Variants in TTC7B observed in about 807,000 individuals in gnomAD.
TTC7B encodes the protein tetratricopeptide repeat domain 7B, also known as tetratricopeptide repeat protein 7B.
A neutral mutation model predicts 106.8 loss-of-function variants in TTC7B; 28 were observed. That is an observed-to-expected ratio of 0.26 (90% confidence interval 0.19 to 0.36). The LOEUF (loss-of-function observed/expected upper bound fraction) is 0.36, where lower values mean the gene tolerates loss of function less well. Among genes scored for constraint, TTC7B ranks in the 10% least tolerant of loss-of-function variants. The pLI is 1.00. For missense variants in TTC7B, 862 were observed against 1,076.4 expected (o/e 0.80, Z 2.79); for synonymous variants, 405 against 430.6 (o/e 0.94, Z 0.74).
chr14:90,541,903 C>T (rs115778659), intron 19 of TTC7B, among the ~76,000 whole-genome samples: 2,645 of 152,320 alleles, frequency 0.017, 80 homozygotes, highest in African/African-American at 0.06. Context: ...ACTGACCCAG[C>T]GCGGCGTCAG....
At chr14:90,665,212 G>A (rs1439682937) in intron 9 of TTC7B, among the ~76,000 whole-genome samples, 1 of 152,226 alleles carries the variant, frequency 6.6e-6, no homozygotes, top group Admixed American at 6.5e-5. Context: ...TACCAGGAAA[G>A]ATAGGTCCAT....
chr14:90,729,381 A>G (rs1000507229), intron 5 of TTC7B, among the ~76,000 whole-genome samples: 1 of 152,176 alleles, frequency 6.6e-6, no homozygotes, highest in African/African-American at 2.4e-5. Flanking sequence ...ACGGGCCTCT[A>G]GGGGCCTCCC....
intron 5 of TTC7B, among the ~76,000 whole-genome samples, chr14:90,720,269 G>C (rs1417019926): frequency 6.6e-6 from 1 of 152,068 alleles, no homozygotes. Flanking sequence ...ACCAATTGTA[G>C]GTTAATTTCA....
At chr14:90,683,402 T>C (rs773823046) in intron 7 of TTC7B, among the ~76,000 whole-genome samples, 5 of 152,206 alleles carry the variant, frequency 3.3e-5, no homozygotes, top group Admixed American at 1.3e-4. Context: ...AGGCCAAGAA[T>C]GGCTGAAGTC....
chr14:90,752,212 G>A (rs940025972), intron 3 of TTC7B, among the ~76,000 whole-genome samples: 6 of 152,106 alleles, frequency 3.9e-5, no homozygotes, highest in Admixed American at 2.6e-4. Context: ...TCCACTCCTT[G>A]CTTCCTTTCA....
intron 1 of TTC7B, among the ~76,000 whole-genome samples, chr14:90,789,895 CAA>C (rs1325409536): frequency 7.1e-5 from 8 of 113,172 alleles, no homozygotes; most frequent in African/African-American, 9.9e-5. Flanking sequence ...GACTCTGTCT[CAA>C]AAAAAAAAAA....
At chr14:90,596,679 C>T (rs777545766) in intron 17 of TTC7B, among the ~76,000 whole-genome samples, 1 of 152,202 alleles carries the variant, frequency 6.6e-6, no homozygotes, top group Non-Finnish European at 1.5e-5. Context: ...GTGGTTGTCA[C>T]TAACAATGCA....
At chr14:90,654,863 G>A (rs1028062303) in intron 12 of TTC7B, 130 bp downstream of exon 12, 34 of 718,494 alleles carry the variant, frequency 4.7e-5, no homozygotes, top group African/African-American at 3.0e-4. Flanking sequence ...GGGCCCCACC[G>A]GATGGCACAC....
rs75651261 is a variant in TTC7B, at chr14:90,750,500, T to A, written c.446-5578A>T. Among the ~76,000 whole-genome samples, 1,144 of 152,322 alleles carry A rather than the reference T, an allele frequency of 7.5e-3. 6 individuals are homozygous for A. Among genetic ancestry groups the A allele is most frequent in the Non-Finnish European group, 0.012 (783 of 68,030 alleles). On this transcript the variant is annotated intron_variant, in intron 3 of 19. Coordinates refer to ENST00000328459, the MANE Select transcript of TTC7B (RefSeq NM_001010854.2). ...TAATTTTACTATCATCTATATTTTATCATGTTCTTAAAATACTTGAAAACC... is the reference window on the plus strand; with the variant it reads ...TAATTTTACTATCATCTATATTTTAACATGTTCTTAAAATACTTGAAAACC...
intron 15 of TTC7B, among the ~76,000 whole-genome samples, chr14:90,643,723 C>T (rs1267338045): frequency 6.6e-6 from 1 of 152,080 alleles, no homozygotes; most frequent in African/African-American, 2.4e-5. Context: ...GCTGGGATTA[C>T]AGGCGCCCGC....
chr14:90,720,916 A>T (rs971340698), intron 5 of TTC7B, among the ~76,000 whole-genome samples: 1 of 152,230 alleles, frequency 6.6e-6, no homozygotes, highest in African/African-American at 2.4e-5. Context: ...AATATTTGAC[A>T]GATGAATAAA....
chr14:90,781,422 T>G (rs1051427756), intron 2 of TTC7B, among the ~76,000 whole-genome samples: 3 of 152,190 alleles, frequency 2.0e-5, no homozygotes, highest in Non-Finnish European at 4.4e-5. Context: ...ACACTCTGAA[T>G]GGGTGAGTTG....
intron 5 of TTC7B, among the ~76,000 whole-genome samples, chr14:90,710,015 A>C (rs1888381944): frequency 6.8e-6 from 1 of 147,268 alleles, no homozygotes; most frequent in Non-Finnish European, 1.5e-5. Context: ...TTGTATTTTC[A>C]GGCTGCTAAC....
At chr14:90,804,490 T>C (rs747713492) in intron 1 of TTC7B, among the ~76,000 whole-genome samples, 2 of 152,166 alleles carry the variant, frequency 1.3e-5, no homozygotes, top group Non-Finnish European at 2.9e-5. Flanking sequence ...GGGCCGGGCC[T>C]GAGGGACTTC....
At chr14:90,712,243 G>A (rs979275670) in intron 5 of TTC7B, among the ~76,000 whole-genome samples, 1 of 152,168 alleles carries the variant, frequency 6.6e-6, no homozygotes, top group African/African-American at 2.4e-5. Context: ...CAATAAGGAT[G>A]TCTGCTCTTG....
At chr14:90,738,447 A>G (rs1403495536) in intron 4 of TTC7B, among the ~76,000 whole-genome samples, 3 of 152,228 alleles carry the variant, frequency 2.0e-5, no homozygotes, top group African/African-American at 7.2e-5. Context: ...TGTCTCTACT[A>G]AAAATACAAA....
intron 19 of TTC7B, among the ~76,000 whole-genome samples, chr14:90,547,189 A>C (rs910580325): frequency 6.6e-6 from 1 of 152,248 alleles, no homozygotes; most frequent in African/African-American, 2.4e-5. Context: ...CCAAGCTGGT[A>C]ATTATCATAA....
intron 19 of TTC7B, among the ~76,000 whole-genome samples, chr14:90,547,315 A>C (rs557862240): frequency 5.6e-4 from 85 of 152,398 alleles, no homozygotes; most frequent in African/African-American, 2.0e-3. Context: ...CAGAGCAATT[A>C]GCATCTTCCT....
chr14:90,715,734 A>T (rs1392926347), intron 5 of TTC7B, among the ~76,000 whole-genome samples: 1 of 152,158 alleles, frequency 6.6e-6, no homozygotes, highest in Admixed American at 6.5e-5. Flanking sequence ...ACGAGCACGT[A>T]AAGTGTATCT....
Sources: allele counts gnomAD v4.1 joint callset (sites outside exome capture counted in the v4.1 genomes callset), GRCh38; gene constraint gnomAD v4.1.1; transcripts MANE v1.5; gene names NCBI Gene and HGNC (gene_info 2026-07-23, HGNC 2026-07-21).